Variants in TMEM19 observed in about 807,000 individuals in gnomAD.
TMEM19 encodes the protein transmembrane protein 19.
Under a neutral mutation model 33.6 loss-of-function variants are expected in TMEM19, and 21 were observed. The observed-to-expected ratio is 0.62, with a 90% CI of 0.44 to 0.90. TMEM19 has a LOEUF of 0.90. Among genes scored for constraint, TMEM19 ranks in the 40% least tolerant of loss-of-function variants. TMEM19 has a pLI of 0.00. For missense variants in TMEM19, 402 were observed against 401.8 expected (o/e 1.00, Z 0.00); for synonymous variants, 149 against 147.5 (o/e 1.01, Z -0.07).
intron 2 of TMEM19, among the ~76,000 whole-genome samples, chr12:71,689,927 CA>C (rs1881757078): frequency 6.6e-6 from 1 of 152,156 alleles, no homozygotes. Context: ...GTGATTGATA[CA>C]AAGTAGATTA....
Position 71,703,844 on chromosome 12 carries a change from G to A in TMEM19, c.*2849G>A. On this transcript the variant is annotated 3_prime_UTR_variant, in exon 6 of 6. Transcript: ENST00000266673. ...ATAAACTGGTTTTCATAGCTTTTTG[G>A]AGATGAGAATTGAGGATAAGAAATT... is the stretch of plus-strand genomic sequence containing the variant. 3 of 260,504 alleles carry A rather than the reference G, an allele frequency of 1.2e-5. No homozygotes were observed. Among genetic ancestry groups the A allele is most frequent in the South Asian group, 1.1e-4 (3 of 28,222 alleles). 16.1% of individuals were successfully genotyped at this position (260,504 alleles called of 1,614,324 possible). A position where few individuals can be genotyped will look rare whatever the true frequency, so the allele number is the denominator to read the frequency against.
rs554052607 is a variant in TMEM19, at chr12:71,701,891, A to T, written c.*896A>T. 2 of 152,196 alleles carry T rather than the reference A, an allele frequency of 1.3e-5. No homozygotes were observed. Among genetic ancestry groups the T allele is most frequent in the South Asian group, 4.1e-4 (2 of 4,830 alleles). 9.4% of individuals were successfully genotyped at this position (152,196 alleles called of 1,614,324 possible). On this transcript the variant is annotated 3_prime_UTR_variant, in exon 6 of 6. Transcript: ENST00000266673. ...ATATCAATTGCTGGAAAATGCTATG[A>T]TTTTTCTATTATTACCTTCTAAGTT...
At chr12:71,694,048 C>A (rs1881830485) in intron 2 of TMEM19, among the ~76,000 whole-genome samples, 1 of 152,202 alleles carries the variant, frequency 6.6e-6, no homozygotes, top group Non-Finnish European at 1.5e-5. Context: ...TTTGCTACAT[C>A]ATGACTTTAG....
chr12:71,688,420 G>T (rs1881728796), intron 1 of TMEM19, among the ~76,000 whole-genome samples: 1 of 152,084 alleles, frequency 6.6e-6, no homozygotes, highest in Non-Finnish European at 1.5e-5. Flanking sequence ...AGTAGAGACA[G>T]GGTTTCATCA....
chr12:71,698,635 G>C (rs1295106243), intron 4 of TMEM19, among the ~76,000 whole-genome samples: 2 of 151,328 alleles, frequency 1.3e-5, no homozygotes, highest in Non-Finnish European at 2.9e-5. Flanking sequence ...GAGAGAGAGA[G>C]AGAGAGAGAG....
intron 2 of TMEM19, among the ~76,000 whole-genome samples, chr12:71,693,349 G>A (rs1055253788): frequency 2.0e-5 from 3 of 151,968 alleles, no homozygotes; most frequent in African/African-American, 4.8e-5. Context: ...GGCACGCGCC[G>A]CCACACCCAG....
Position 71,686,764 on chromosome 12 carries a change from T to A in TMEM19, c.84T>A (p.Ile28=), listed in dbSNP as rs1881696976. ...TTATACTGAGCCTGATCATTTGCAT[T>A]TCGTTAGCTTTCTGGATTATATCAA... ...NIVILSLIIC[I]SLAFWIISMT... Residue 28 remains isoleucine, a synonymous_variant, in exon 1 of 6, where the codon ATT becomes ATA. Transcript: ENST00000266673. 1 of 1,612,938 alleles carries A rather than the reference T, an allele frequency of 6.2e-7. No individual in the cohort carries two copies. Among genetic ancestry groups the A allele is most frequent in the Non-Finnish European group, 8.5e-7 (1 of 1,179,776 alleles).
At chr12:71,688,042 G>A (rs964786863) in intron 1 of TMEM19, among the ~76,000 whole-genome samples, 3 of 152,146 alleles carry the variant, frequency 2.0e-5, no homozygotes, top group Non-Finnish European at 2.9e-5. Context: ...TCTTGTTAGT[G>A]ACAGTATTTA....
At chr12:71,692,575 T>C (rs1045277419) in intron 2 of TMEM19, among the ~76,000 whole-genome samples, 2 of 152,208 alleles carry the variant, frequency 1.3e-5, no homozygotes, top group Non-Finnish European at 2.9e-5. Context: ...AATGTAGTAG[T>C]AGATGGAAGC....
At chr12:71,695,234 A>G (rs374097283) in intron 2 of TMEM19, among the ~76,000 whole-genome samples, 18 of 152,270 alleles carry the variant, frequency 1.2e-4, no homozygotes, top group South Asian at 2.1e-4. Flanking sequence ...TGTCTTGTTC[A>G]TTTCCTCAAT....
chr12:71,686,576 G>A lies in TMEM19; in HGVS notation c.-105G>A. The stretch of plus-strand genomic sequence containing the variant: ...CTTGTTTGGTCGGTGGAATATGTTG[G>A]GATTTATGTTTGCCTCTGAACAAGT... On this transcript the variant is annotated 5_prime_UTR_variant, in exon 1 of 6. It introduces an in-frame stop codon into an upstream open reading frame of the 5' UTR. Transcript: ENST00000266673. The A allele has an allele frequency of 1.6e-6, 2 of 1,290,036 alleles. No homozygotes were observed. The highest frequency in any genetic ancestry group is 2.2e-6 in the Non-Finnish European group (2 of 927,740). The allele number at this position is 1,290,036 out of a possible 1,614,324, so 79.9% of individuals were successfully genotyped here.
At chr12:71,696,676 T>C in intron 3 of TMEM19, 103 bp downstream of exon 3, 3 of 1,088,466 alleles carry the variant, frequency 2.8e-6, no homozygotes, top group Middle Eastern at 6.6e-4. Context: ...AGACGGAGTC[T>C]TGCTCTGTTG....
At position 71,704,090 on chromosome 12, in the gene TMEM19, T is replaced by C. The variant is rs1173343275; in HGVS notation, c.*3095T>C. On this transcript the variant is annotated 3_prime_UTR_variant, in exon 6 of 6. Transcript: ENST00000266673. ...TACTGTTTCTTATCATACTGTTCCA[T>C]GATAGAAGAGAGCAGATATATGTGG... is the stretch of plus-strand genomic sequence containing the variant. The C allele has an allele frequency of 2.6e-6, 1 of 391,230 alleles. No homozygotes were observed. 24.2% of individuals were successfully genotyped at this position (391,230 alleles called of 1,614,324 possible). A position where few individuals can be genotyped will look rare whatever the true frequency, so the allele number is the denominator to read the frequency against.
intron 2 of TMEM19, 149 bp from the exon 3 acceptor site, chr12:71,696,287 C>A: frequency 3.2e-6 from 2 of 623,748 alleles, no homozygotes; most frequent in Non-Finnish European, 4.8e-6. Context: ...CAGTTTACTG[C>A]TTGCTAAGAA....
Position 71,704,052 on chromosome 12 carries a change from C to A in TMEM19, c.*3057C>A. On this transcript the variant is annotated 3_prime_UTR_variant, in exon 6 of 6. Coordinates refer to ENST00000266673, the MANE Select transcript of TMEM19 (RefSeq NM_018279.4). ...CAGCATAATAAAACTGCCTACCTAGCAGCATAAAGGTGTACTGTTTCTTAT... is the reference window on the plus strand; with the variant it reads ...CAGCATAATAAAACTGCCTACCTAGAAGCATAAAGGTGTACTGTTTCTTAT... The A allele has an allele frequency of 2.2e-6, 1 of 450,968 alleles. No homozygotes were observed. The highest frequency in any genetic ancestry group is 1.6e-5 in the South Asian group (1 of 63,778). The allele number at this position is 450,968 out of a possible 1,614,324, so 27.9% of individuals were successfully genotyped here. A position where few individuals can be genotyped will look rare whatever the true frequency, so the allele number is the denominator to read the frequency against.
chr12:71,696,641 GT>G, intron 3 of TMEM19, 68 bp downstream of exon 3: 1 of 1,291,274 alleles, frequency 7.7e-7, no homozygotes, highest in Non-Finnish European at 1.0e-6. Context: ...GTTTTTTTTT[GT>G]TTTTGTTTTT....
rs145062974 is a variant in TMEM19, at chr12:71,694,574, T to C, written c.245-1862T>C. Among the ~76,000 whole-genome samples, 241 of 152,306 alleles carry C rather than the reference T, an allele frequency of 1.6e-3. 2 individuals carry two copies. Among genetic ancestry groups the C allele is most frequent in the African/African-American group, 5.5e-3 (228 of 41,560 alleles). ...GGCAGAAGAACACAAACATCACTGT[T>C]CAGGCATGCCCTATTCTTGTAGTCA... On this transcript the variant is annotated intron_variant, in intron 2 of 5. Coordinates refer to ENST00000266673, the MANE Select transcript of TMEM19 (RefSeq NM_018279.4).
chr12:71,698,714 CA>C (rs1221728184), intron 4 of TMEM19, among the ~76,000 whole-genome samples, 185 bp from the exon 5 acceptor site: 1 of 151,500 alleles, frequency 6.6e-6, no homozygotes. Context: ...CATTCTGCTT[CA>C]TTGCTTAAAA....
Position 71,696,440 on chromosome 12 carries a change from A to C in TMEM19, c.249A>C (p.Leu83=), listed in dbSNP as rs751656469. 3.1e-6 allele frequency: 5 copies of C among 1,600,520 alleles called. No homozygotes were observed. The highest frequency in any genetic ancestry group is 4.3e-6 in the Non-Finnish European group (5 of 1,173,108). ...SLDHSGALGG[L]VVGFILTIAN... Reference sequence around the variant, plus strand: ...GTTTATATATGTTTCTTTCAGGGCTAGTCGTTGGATTTATCCTAACCATTG... The same window carrying C: ...GTTTATATATGTTTCTTTCAGGGCTCGTCGTTGGATTTATCCTAACCATTG... The change falls in exon 3 of 6, where the codon CTA becomes CTC. Residue 83 remains leucine, a synonymous_variant. Transcript: ENST00000266673.
Sources: allele counts gnomAD v4.1 joint callset (sites outside exome capture counted in the v4.1 genomes callset), GRCh38; gene constraint gnomAD v4.1.1; transcripts MANE v1.5; gene names NCBI Gene and HGNC (gene_info 2026-07-23, HGNC 2026-07-21).